The following PRMT8 variants were observed in gnomAD, a reference collection of about 807,000 sequenced individuals.
The protein encoded by PRMT8 is protein arginine methyltransferase 8.
In PRMT8, 7 loss-of-function variants were observed where a neutral mutation model predicts 47.1. The ratio of observed to expected loss-of-function variants is 0.15; its 90% CI spans 0.08 to 0.28. The LOEUF (loss-of-function observed/expected upper bound fraction) is 0.28. Ranked by LOEUF, PRMT8 falls within the 10% of genes least tolerant of loss-of-function variation. The pLI is 1.00. For synonymous variants in PRMT8, 188 were observed against 186.5 expected (o/e 1.01, Z -0.07); for missense variants, 237 against 505.4 (o/e 0.47, Z 5.09).
chr12:3,489,179 C>G (rs1225160844), upstream of PRMT8, among the ~76,000 whole-genome samples: 1 of 152,130 alleles, frequency 6.6e-6, no homozygotes, highest in East Asian at 1.9e-4. Flanking sequence ...CGTGTCTGTG[C>G]TTGGGGAGAA....
At chr12:3,556,672 T>C (rs969391575) in intron 4 of PRMT8, among the ~76,000 whole-genome samples, 2 of 151,752 alleles carry the variant, frequency 1.3e-5, no homozygotes, top group Non-Finnish European at 2.9e-5. Flanking sequence ...AGAAGTTTTT[T>C]TAAAAAAAAA....
intron 4 of PRMT8, among the ~76,000 whole-genome samples, chr12:3,562,109 A>C (rs1372335625): frequency 6.6e-6 from 1 of 152,174 alleles, no homozygotes; most frequent in Non-Finnish European, 1.5e-5. Context: ...ATAAAACACA[A>C]CAGCATCCGG....
At chr12:3,397,941 A>G (rs2137049294) in intron 1 of PRMT8, among the ~76,000 whole-genome samples, 1 of 152,292 alleles carries the variant, frequency 6.6e-6, no homozygotes, top group Non-Finnish European at 1.5e-5. Context: ...CCGTCGGAAA[A>G]GCGCAGTATT....
Position 3,491,321 on chromosome 12 carries a change from C to T in PRMT8, c.-305C>T. 2 of 1,099,916 alleles carry T rather than the reference C, an allele frequency of 1.8e-6. No homozygotes were observed. Among genetic ancestry groups the T allele is most frequent in the South Asian group, 3.7e-5 (1 of 27,192 alleles). The allele number at this position is 1,099,916 out of a possible 1,614,324, so 68.1% of individuals were successfully genotyped here. ...GCCGCCGCCGCCGCCGCGGAGGCTT[C>T]GGGGCTGCTTCCCTCGAGCTTAGCC... On this transcript the variant is annotated 5_prime_UTR_variant, in exon 1 of 10. Coordinates refer to ENST00000382622, the MANE Select transcript of PRMT8 (RefSeq NM_019854.5).
chr12:3,421,762 A>T (rs536598317), intron 1 of PRMT8, among the ~76,000 whole-genome samples: 1 of 152,154 alleles, frequency 6.6e-6, no homozygotes, highest in Non-Finnish European at 1.5e-5. Context: ...GTTTTGTTTT[A>T]GTGTTTGAAA....
chr12:3,493,396 GGAGC>G lies in PRMT8; in HGVS notation c.75+1702_75+1705del, dbSNP rs1336005184. On this transcript the variant is annotated intron_variant, in intron 1 of 9. Transcript: ENST00000382622. The surrounding 1 kb of genome is among the most constrained non-coding windows in gnomAD (Gnocchi z 8.2). ...TCAAGGCCGCGCTTCTGTGAAGTGT[GGAGC>G]GAGCGGGCACGTAGCGGTCTCTGCC... is the stretch of plus-strand genomic sequence containing the variant. Among the ~76,000 whole-genome samples, 1 of 152,086 alleles carries G rather than the reference GGAGC, an allele frequency of 6.6e-6. No homozygotes were observed. The highest frequency in any genetic ancestry group is 1.5e-5 in the Non-Finnish European group (1 of 68,016).
intron 1 of PRMT8, among the ~76,000 whole-genome samples, chr12:3,391,486 G>C (rs1040436143): frequency 6.6e-6 from 1 of 152,216 alleles, no homozygotes; most frequent in Non-Finnish European, 1.5e-5. Context: ...GACGAGCAGT[G>C]GGGAGGTCAC....
At chr12:3,426,841 T>C (rs1864611026) in intron 1 of PRMT8, among the ~76,000 whole-genome samples, 1 of 152,086 alleles carries the variant, frequency 6.6e-6, no homozygotes, top group Non-Finnish European at 1.5e-5. Context: ...CCCTTTCTGC[T>C]GTATGAACAG....
chr12:3,587,952 C>A lies in PRMT8; in HGVS notation c.980-4279C>A, dbSNP rs187054098. ...GTTCCAGGCTGTGGCAGCCAGTGGG[C>A]ACGGTGCCCCCCCCACCACAACACA... is the stretch of plus-strand genomic sequence containing the variant. On this transcript the variant is annotated intron_variant, in intron 8 of 9. Transcript: ENST00000382622. Among the ~76,000 whole-genome samples the A allele has an allele frequency of 6.9e-3, 1,038 of 151,312 alleles. 10 individuals carry two copies. The highest frequency in any genetic ancestry group is 0.02 in the Middle Eastern group (6 of 294).
At chr12:3,540,090 A>T (rs1866193767) in intron 1 of PRMT8, among the ~76,000 whole-genome samples, 1 of 152,136 alleles carries the variant, frequency 6.6e-6, no homozygotes, top group South Asian at 2.1e-4. Flanking sequence ...AATCCTCAGG[A>T]CAACTCTAGG....
At position 3,396,308 on chromosome 12, in the gene PRMT8, T is replaced by C. The variant is rs1216555029; in HGVS notation, c.48+14866T>C. ...AGTTGATGCAGTTTCTTCCTAGTCT[T>C]GATGGTCTTTACATTTTGGCATGAT... On this transcript the variant is annotated intron_variant, in intron 1 of 9. Coordinates refer to the PRMT8 transcript ENST00000452611. Among the ~76,000 whole-genome samples the C allele has an allele frequency of 1.5e-3, 230 of 152,282 alleles. 1 individual carries two copies. The highest frequency in any genetic ancestry group is 4.9e-3 in the African/African-American group (202 of 41,558).
In PRMT8 at chr12:3,540,621, T is replaced by G; in HGVS notation, c.91T>G (p.Ser31Ala). 1.2e-3 allele frequency: 500 copies of G among 405,186 alleles called. No individual in the cohort carries two copies. Among genetic ancestry groups the G allele is most frequent in the Non-Finnish European group, 1.9e-3 (449 of 242,050 alleles). 25.1% of individuals were successfully genotyped at this position (405,186 alleles called of 1,614,324 possible). ...AESTEVNSPP[S>A]QPPQPVVPAK... ...TTCCCCTCAGGTGAACAGCCCCCCC[T>G]CCCAGCCCCCCCAGCCCGTCGTCCC... Residue 31 changes from serine to alanine, a missense_variant, in exon 2 of 10, where the codon TCC (serine) becomes GCC (alanine). This residue lies in a region of PRMT8 where 43 missense variants were observed against 32.4 expected (regional missense o/e 1.33). Transcript: ENST00000382622.
intron 1 of PRMT8, among the ~76,000 whole-genome samples, chr12:3,424,769 T>C (rs752673866): frequency 1.2e-4 from 19 of 152,174 alleles, no homozygotes; most frequent in Non-Finnish European, 1.9e-4. Flanking sequence ...AACCATAAAA[T>C]AATAGCACTG....
At chr12:3,488,910 C>T (rs1015753575), upstream of PRMT8, among the ~76,000 whole-genome samples, 1 of 152,168 alleles carries the variant, frequency 6.6e-6, no homozygotes, top group Non-Finnish European at 1.5e-5. Flanking sequence ...AATTAGCTTG[C>T]TTGTGAATTT....
At chr12:3,510,511 A>G (rs1865694870) in intron 1 of PRMT8, among the ~76,000 whole-genome samples, 1 of 152,216 alleles carries the variant, frequency 6.6e-6, no homozygotes, top group Admixed American at 6.5e-5. Context: ...AAATATTACT[A>G]TATTCCCTAT....
chr12:3,547,526 G>A (rs755634524), intron 2 of PRMT8, among the ~76,000 whole-genome samples: 4 of 152,104 alleles, frequency 2.6e-5, no homozygotes, highest in South Asian at 2.1e-4. Context: ...ATCTGTAACC[G>A]CAGCACCTTG....
upstream of PRMT8, among the ~76,000 whole-genome samples, chr12:3,489,206 G>A (rs1007218303): frequency 6.6e-6 from 1 of 152,094 alleles, no homozygotes; most frequent in Non-Finnish European, 1.5e-5. Flanking sequence ...CAAAGCAAAA[G>A]ATTTCAACAG....
chr12:3,437,995 C>G (rs1021687805), intron 1 of PRMT8, among the ~76,000 whole-genome samples: 2 of 152,120 alleles, frequency 1.3e-5, no homozygotes, highest in African/African-American at 4.8e-5. Context: ...CTTATGGGGT[C>G]TGGGGTCCCA....
intron 1 of PRMT8, among the ~76,000 whole-genome samples, chr12:3,480,921 A>G (rs1865268537): frequency 1.3e-5 from 2 of 152,186 alleles, no homozygotes; most frequent in African/African-American, 4.8e-5. Flanking sequence ...CTAAGTGTTG[A>G]TAGCTAATAA....
Sources: allele counts gnomAD v4.1 joint callset (sites outside exome capture counted in the v4.1 genomes callset), GRCh38; gene constraint gnomAD v4.1.1; regional missense constraint gnomAD v4.1.1; non-coding constraint Gnocchi (gnomAD v3.1); transcripts MANE v1.5; gene names NCBI Gene and HGNC (gene_info 2026-07-23, HGNC 2026-07-21).